MACROD1: variants seen among roughly 807,000 people sequenced by gnomAD.
The protein encoded by MACROD1 is ADP-ribose glycohydrolase MACROD1.
Under a neutral mutation model 41.4 loss-of-function variants are expected in MACROD1, and 31 were observed. The ratio of observed to expected loss-of-function variants is 0.75; its 90% confidence interval spans 0.56 to 1.01. The LOEUF (loss-of-function observed/expected upper bound fraction) is 1.01, where lower values mean the gene tolerates loss of function less well. MACROD1 is among the 50% of genes least tolerant of loss of function. The probability of loss-of-function intolerance (pLI) is 0.00; values close to 1 mark genes in which losing one functional copy is unlikely to be tolerated. For synonymous variants in MACROD1, 252 were observed against 203.4 expected (o/e 1.24, Z -2.03); for missense variants, 473 against 460.0 (o/e 1.03, Z -0.26).
chr11:64,027,275 G>T (rs947201624), intron 3 of MACROD1, among the ~76,000 whole-genome samples: 1 of 152,200 alleles, frequency 6.6e-6, no homozygotes, highest in Non-Finnish European at 1.5e-5. Flanking sequence ...GTCATGGCGG[G>T]TGCTGGAGCT....
chr11:64,162,528 A>T (rs552449269), intron 1 of MACROD1, among the ~76,000 whole-genome samples: 38 of 151,988 alleles, frequency 2.5e-4, no homozygotes, highest in African/African-American at 6.5e-4. Context: ...AATTTTAAAA[A>T]TTTTGGCCGG....
intron 3 of MACROD1, among the ~76,000 whole-genome samples, chr11:64,034,741 G>A (rs1205532390): frequency 6.6e-6 from 1 of 152,240 alleles, no homozygotes; most frequent in African/African-American, 2.4e-5. Context: ...GAGCAGGGCC[G>A]GCAGAGGGGG....
rs182947112 is a variant in MACROD1 at position 64,124,467 on chromosome 11, A to T, written c.517+26772T>A. 1.3e-3 allele frequency among the ~76,000 whole-genome samples: 194 copies of T among 152,288 alleles called. 1 individual carries two copies. The South Asian group carries it at 0.026, about 21-fold the overall frequency. ...TGAAATGTTCCAAGTAGGTGCCTGA[A>T]ATACCCATATTTGCTTCTTTTTAAA... is the stretch of plus-strand genomic sequence containing the variant. On this transcript the variant is annotated intron_variant, in intron 3 of 10. Coordinates refer to ENST00000255681, the MANE Select transcript of MACROD1 (RefSeq NM_014067.4).
chr11:64,050,714 G>A (rs1943677322), intron 3 of MACROD1, among the ~76,000 whole-genome samples: 1 of 152,208 alleles, frequency 6.6e-6, no homozygotes, highest in Non-Finnish European at 1.5e-5. Context: ...TGCTTCCCGG[G>A]TTCAAGCGAT....
chr11:64,022,867 A>ATTTTTTTTTTTTTT (rs922794608), intron 3 of MACROD1, among the ~76,000 whole-genome samples: 2 of 90,766 alleles, frequency 2.2e-5, no homozygotes, highest in African/African-American at 4.5e-5. Context: ...TTCCACATGG[A>ATTTTTTTTTTTTTT]TTTTTTTTTT....
At chr11:64,058,835 C>G (rs1232580600) in intron 3 of MACROD1, among the ~76,000 whole-genome samples, 1 of 152,158 alleles carries the variant, frequency 6.6e-6, no homozygotes. Flanking sequence ...AAGAGGGCAG[C>G]CGGCAAGGGG....
chr11:64,035,392 GATGA>G (rs983105900), intron 3 of MACROD1, among the ~76,000 whole-genome samples: 48 of 152,212 alleles, frequency 3.2e-4, no homozygotes, highest in African/African-American at 8.4e-4. Flanking sequence ...CGGGTGGACG[GATGA>G]ATGAATGAAT....
At chr11:64,008,261 G>T (rs907090882) in intron 4 of MACROD1, among the ~76,000 whole-genome samples, 1 of 152,168 alleles carries the variant, frequency 6.6e-6, no homozygotes, top group Non-Finnish European at 1.5e-5. Flanking sequence ...GGTGGCAAGA[G>T]AAAGAGGTGA....
At chr11:64,102,361 C>G (rs1944685652) in intron 3 of MACROD1, among the ~76,000 whole-genome samples, 1 of 146,094 alleles carries the variant, frequency 6.8e-6, no homozygotes, top group African/African-American at 2.5e-5. Context: ...GTGTTGAGGA[C>G]TGACCCCCCA....
intron 4 of MACROD1, chr11:64,001,545 T>C (rs1942826008): frequency 2.8e-6 from 2 of 702,302 alleles, no homozygotes; most frequent in African/African-American, 3.5e-5. Context: ...TTTCTTTTGC[T>C]GTTTGATCTC....
At chr11:64,104,336 C>A (rs1167531041) in intron 3 of MACROD1, among the ~76,000 whole-genome samples, 1 of 152,130 alleles carries the variant, frequency 6.6e-6, no homozygotes, top group Non-Finnish European at 1.5e-5. Flanking sequence ...CAGCTCCATC[C>A]CACACACCCA....
intron 3 of MACROD1, among the ~76,000 whole-genome samples, chr11:64,035,348 G>A (rs928597806): frequency 2.0e-5 from 3 of 152,190 alleles, no homozygotes; most frequent in Non-Finnish European, 4.4e-5. Flanking sequence ...GGCATGCAGA[G>A]TAGGCGGTGG....
At chr11:64,155,327 G>A (rs931429701) in intron 1 of MACROD1, among the ~76,000 whole-genome samples, 6 of 152,266 alleles carry the variant, frequency 3.9e-5, no homozygotes, top group Non-Finnish European at 8.8e-5. Context: ...GTCTCTCCAG[G>A]TCTGCCTCCC....
At chr11:64,118,428 TTTGGGGAGGG>T in intron 3 of MACROD1, 1 of 1,128,644 alleles carries the variant, frequency 8.9e-7, no homozygotes, top group Non-Finnish European at 1.2e-6. Flanking sequence ...GAAAGCAAAG[TTTGGGGAGGG>T]CTGACGATTT....
In MACROD1 at chr11:64,165,983, C is replaced by T; in HGVS notation, c.12G>A (p.Gln4=). The T allele has an allele frequency of 7.8e-7, 1 of 1,283,816 alleles. No individual in the cohort carries two copies. Among genetic ancestry groups the T allele is most frequent in the Non-Finnish European group, 9.8e-7 (1 of 1,020,860 alleles). The allele number at this position is 1,283,816 out of a possible 1,614,324, so 79.5% of individuals were successfully genotyped here. A position where few individuals can be genotyped will look rare whatever the true frequency, so the allele number is the denominator to read the frequency against. The change falls in exon 1 of 11, where the codon CAG becomes CAA. Residue 4 remains glutamine (Q), a synonymous_variant. Transcript: ENST00000255681. ...GTGCCAGGCGGCCGGACAGTCGGCT[C>T]TGTAGAGACATGAGCGGGCGGCGCG... The part of the protein sequence containing the change: MSL[Q]SRLSGRLAQL...
intron 3 of MACROD1, among the ~76,000 whole-genome samples, chr11:64,084,699 C>T (rs1361806690): frequency 2.0e-5 from 3 of 152,242 alleles, no homozygotes; most frequent in East Asian, 1.9e-4. Flanking sequence ...GGGAGCAGGG[C>T]TGTCCACGTG....
chr11:64,035,951 C>G (rs1414521164), intron 3 of MACROD1: 2 of 148,252 alleles, frequency 1.3e-5, no homozygotes, highest in Non-Finnish European at 3.0e-5. Flanking sequence ...CGCGGCTCCG[C>G]CGGGCGCCCG....
chr11:64,165,885 G>A lies in MACROD1; in HGVS notation c.110C>T (p.Thr37Ile), dbSNP rs758982070. 1.0e-5 allele frequency: 14 copies of A among 1,399,232 alleles called. No individual in the cohort carries two copies. In the East Asian group the frequency reaches 2.7e-4, roughly 27 times the overall value. The allele number at this position is 1,399,232 out of a possible 1,614,324, so 86.7% of individuals were successfully genotyped here. The change falls in exon 1 of 11, where the codon ACC (threonine) becomes ATC (isoleucine). Residue 37 changes from threonine to isoleucine, a missense_variant. By Grantham distance (89) the Thr-to-Ile change is moderately conservative. Transcript: ENST00000255681. Reference sequence around the variant, plus strand: ...CGGGGGACCGCACGTGCTGCTGCGGGTCCTCGTGGCACCCGCCAAGTGTCC... The same window carrying A: ...CGGGGGACCGCACGTGCTGCTGCGGATCCTCGTGGCACCCGCCAAGTGTCC... ...RPGHLAGATR[T>I]RSSTCGPPAF... is the part of the protein sequence containing the mutation.
At chr11:64,073,796 G>A (rs557519039) in intron 3 of MACROD1, among the ~76,000 whole-genome samples, 6 of 152,326 alleles carry the variant, frequency 3.9e-5, no homozygotes, top group African/African-American at 7.2e-5. Flanking sequence ...AAACCCAGCA[G>A]CCGCATCCAG....
Sources: gnomAD v4.1 joint callset for allele counts (sites outside exome capture counted in the v4.1 genomes callset) on GRCh38, gnomAD v4.1.1 for gene constraint, MANE v1.5 for transcripts, NCBI Gene and HGNC (gene_info 2026-07-23, HGNC 2026-07-21) for gene names.